Variants in TMEM217B observed in about 807,000 individuals in gnomAD.
TMEM217B encodes putative transmembrane protein 217B.
chr6:37,246,062 A>G, the TMEM217B span, among the ~76,000 whole-genome samples: 1 of 152,086 alleles, frequency 6.6e-6, no homozygotes, highest in Non-Finnish European at 1.5e-5. Flanking sequence ...TCGGCCTCCC[A>G]AAGTGCTGGG....
At chr6:37,233,562 G>A in the TMEM217B span, among the ~76,000 whole-genome samples, 1 of 152,144 alleles carries the variant, frequency 6.6e-6, no homozygotes, top group Admixed American at 6.5e-5. Context: ...CACAAAGTTG[G>A]CGCCCTCATG....
the TMEM217B span, among the ~76,000 whole-genome samples, chr6:37,249,009 C>T: frequency 6.6e-6 from 1 of 152,214 alleles, no homozygotes; most frequent in Non-Finnish European, 1.5e-5. Context: ...CAATCTGCCT[C>T]TGTGGTCACA....
At chr6:37,241,773 TAC>T in the TMEM217B span, among the ~76,000 whole-genome samples, 11 of 152,312 alleles carry the variant, frequency 7.2e-5, no homozygotes, top group African/African-American at 2.4e-4. Context: ...CTTAGAGACA[TAC>T]ATTCTATATT....
At chr6:37,212,364 C>T in the TMEM217B span, 16 of 369,700 alleles carry the variant, frequency 4.3e-5, no homozygotes, top group Non-Finnish European at 7.5e-5. Flanking sequence ...GGGAGGGTTC[C>T]ATTGTTGAGG....
At chr6:37,214,926 C>T in the TMEM217B span, among the ~76,000 whole-genome samples, 1 of 152,188 alleles carries the variant, frequency 6.6e-6, no homozygotes, top group Admixed American at 6.5e-5. Flanking sequence ...GTTCACAGCG[C>T]AGCTTCCAGA....
At chr6:37,217,171 G>A in the TMEM217B span, among the ~76,000 whole-genome samples, 2 of 152,194 alleles carry the variant, frequency 1.3e-5, no homozygotes, top group Non-Finnish European at 2.9e-5. Flanking sequence ...GCCTGTGCCT[G>A]TAATCCCAGC....
At chr6:37,246,408 CAT>C in the TMEM217B span, among the ~76,000 whole-genome samples, 4 of 152,140 alleles carry the variant, frequency 2.6e-5, no homozygotes, top group Admixed American at 6.5e-5. Context: ...GGAGTGGAAA[CAT>C]ATGATACTTC....
the TMEM217B span, among the ~76,000 whole-genome samples, chr6:37,248,671 T>G: frequency 2.6e-5 from 4 of 152,180 alleles, no homozygotes; most frequent in Non-Finnish European, 4.4e-5. Context: ...AGGAGTCTCT[T>G]TAAGAATATC....
the TMEM217B span, among the ~76,000 whole-genome samples, chr6:37,229,347 T>TG: frequency 7.6e-5 from 10 of 131,134 alleles, no homozygotes; most frequent in African/African-American, 3.0e-4. Flanking sequence ...TTTTTTTTTT[T>TG]TTTTTTTTTT....
chr6:37,217,823 A>C, the TMEM217B span: 1 of 985,552 alleles, frequency 1.0e-6, no homozygotes. Flanking sequence ...AGGCTAATGA[A>C]GATGCCAAGA....
the TMEM217B span, among the ~76,000 whole-genome samples, chr6:37,222,406 C>T: frequency 2.0e-5 from 3 of 152,238 alleles, no homozygotes; most frequent in Admixed American, 2.0e-4. Flanking sequence ...AGCAGACATC[C>T]GGGAGCCTGC....
At chr6:37,242,064 G>T in the TMEM217B span, among the ~76,000 whole-genome samples, 1 of 138,346 alleles carries the variant, frequency 7.2e-6, no homozygotes, top group Non-Finnish European at 1.5e-5. Context: ...GAGTCACATA[G>T]AACCCCCTGA....
At chr6:37,212,932 A>G in the TMEM217B span, 1 of 1,550,496 alleles carries the variant, frequency 6.4e-7, no homozygotes. Context: ...AAGGACAGAG[A>G]AGATGCCCAC....
the TMEM217B span, among the ~76,000 whole-genome samples, chr6:37,253,664 T>G: frequency 6.6e-6 from 1 of 152,176 alleles, no homozygotes; most frequent in South Asian, 2.1e-4. Context: ...CTTCCCCTCA[T>G]CACAGTGTCT....
At chr6:37,226,540 G>A in the TMEM217B span, among the ~76,000 whole-genome samples, 8 of 150,304 alleles carry the variant, frequency 5.3e-5, no homozygotes, top group Admixed American at 2.7e-4. Flanking sequence ...CTCGTGATCC[G>A]CCCGCCTCGG....
the TMEM217B span, among the ~76,000 whole-genome samples, chr6:37,214,796 A>G: frequency 6.6e-6 from 1 of 152,290 alleles, no homozygotes; most frequent in Middle Eastern, 3.4e-3. Context: ...GACTCCAGAT[A>G]CACAAAACTC....
chr6:37,245,261 A>G, the TMEM217B span, among the ~76,000 whole-genome samples: 1 of 152,244 alleles, frequency 6.6e-6, no homozygotes, highest in Non-Finnish European at 1.5e-5. Context: ...GAGCTGGGTC[A>G]CTGAAGACAC....
the TMEM217B span, among the ~76,000 whole-genome samples, chr6:37,216,712 A>G: frequency 6.6e-6 from 1 of 152,202 alleles, no homozygotes; most frequent in East Asian, 1.9e-4. Context: ...TTCATGTTGA[A>G]ACTTAATCCC....
At chr6:37,224,229 G>A in the TMEM217B span, among the ~76,000 whole-genome samples, 7 of 150,288 alleles carry the variant, frequency 4.7e-5, no homozygotes, top group Admixed American at 1.3e-4. Flanking sequence ...GTGAGCCACC[G>A]CGCCCGGCCT....
Sources: allele counts gnomAD v4.1 joint callset (sites outside exome capture counted in the v4.1 genomes callset), GRCh38; gene constraint gnomAD v4.1.1; transcripts MANE v1.5; gene names NCBI Gene and HGNC (gene_info 2026-07-23, HGNC 2026-07-21).